The following ZFP90 variants were observed in gnomAD, a reference collection of about 807,000 sequenced individuals.
ZFP90 encodes zinc finger protein 90 homolog.
In ZFP90, 38 loss-of-function variants were observed where a neutral mutation model predicts 60.8. The ratio of observed to expected loss-of-function variants is 0.62; its 90% CI spans 0.48 to 0.82. ZFP90 has a LOEUF of 0.82. Among genes scored for constraint, ZFP90 ranks in the 40% least tolerant of loss-of-function variants. ZFP90 has a pLI of 0.00. For synonymous variants in ZFP90, 287 were observed against 264.8 expected (o/e 1.08, Z -0.82); for missense variants, 711 against 759.1 (o/e 0.94, Z 0.74).
chr16:68,564,167 TCA>T lies in ZFP90; in HGVS notation c.1383_1384del (p.Ile462TyrfsTer5). 6.2e-7 allele frequency: 1 copy of T among 1,614,194 alleles called. No individual in the cohort carries two copies. Among genetic ancestry groups the T allele is most frequent in the Admixed American group, 1.7e-5 (1 of 60,024 alleles). ...GTAATGACTGTGGGGAAGACTTTAG[TCA>T]CATTACAGACTTTACTGACCATCAG... is the stretch of plus-strand genomic sequence containing the variant. The part of the protein sequence containing the change: ...HCNDCGEDFS[H>X]ITDFTDHQRI... On this transcript the variant is annotated frameshift_variant, in exon 5 of 5. Transcript: ENST00000563169. LOFTEE classifies it high-confidence loss of function.
Position 68,558,073 on chromosome 16 carries a change from A to G in ZFP90, c.109A>G (p.Ser37Gly). ...EWYHVDPAQRSLYRDVMLENY... is the reference protein window; with the variant it reads ...EWYHVDPAQRGLYRDVMLENY... ...GTACCATGTCGACCCTGCTCAGAGG[A>G]GCTTATACAGGGATGTGATGCTGGA... is the stretch of plus-strand genomic sequence containing the variant. Residue 37 changes from serine (S) to glycine (G), a missense_variant, in exon 3 of 5, where the codon AGC becomes GGC. Physicochemically the swap from Ser to Gly is moderately conservative, Grantham distance 56. Around this residue, in one of 5 missense-constraint regions of ZFP90, gnomAD observed 241 missense variants for 247.6 expected, o/e 0.97. Coordinates refer to ENST00000563169, the MANE Select transcript of ZFP90 (RefSeq NM_001305203.2). 6.2e-7 allele frequency: 1 copy of G among 1,613,736 alleles called. No homozygotes were observed. The highest frequency in any genetic ancestry group is 8.5e-7 in the Non-Finnish European group (1 of 1,179,928).
intron 2 of ZFP90, chr16:68,573,700 T>G (rs975746613): frequency 3.3e-5 from 5 of 152,060 alleles, no homozygotes; most frequent in Admixed American, 6.5e-5. Context: ...TTTAAAGAGG[T>G]GTCCAAAGGA....
At chr16:68,572,556 G>T (rs899257153) in intron 2 of ZFP90, among the ~76,000 whole-genome samples, 1 of 152,174 alleles carries the variant, frequency 6.6e-6, no homozygotes, top group African/African-American at 2.4e-5. Context: ...TTGATCCTTG[G>T]CCCCTATAGA....
intron 2 of ZFP90, 51 bp downstream of exon 2, chr16:68,539,876 C>T (rs568240099): frequency 1.4e-5 from 23 of 1,590,508 alleles, no homozygotes; most frequent in South Asian, 1.1e-4. Context: ...CTATCCATCC[C>T]ATCTCCCAAG....
At chr16:68,557,362 G>A (rs2091361935) in intron 2 of ZFP90, 1 of 439,646 alleles carries the variant, frequency 2.3e-6, no homozygotes, top group Non-Finnish European at 4.6e-6. Context: ...TTTAATCAGT[G>A]GGTACCTGTG....
chr16:68,575,644 T>A (rs111927699), intron 2 of ZFP90: 1 of 383,584 alleles, frequency 2.6e-6, no homozygotes, highest in Non-Finnish European at 4.6e-6. Flanking sequence ...TAGATGAAGG[T>A]TAGTGATCAA....
In ZFP90 at chr16:68,566,019, A is replaced by T; in HGVS notation, c.*1321A>T. Reference sequence around the variant, plus strand: ...CATGGTGGCATGCAGTGGTAGTCCCAGCTACTCAGGAGGCTGAGGTGGGAG... The same window carrying T: ...CATGGTGGCATGCAGTGGTAGTCCCTGCTACTCAGGAGGCTGAGGTGGGAG... On this transcript the variant is annotated 3_prime_UTR_variant, in exon 5 of 5. Coordinates refer to ENST00000563169, the MANE Select transcript of ZFP90 (RefSeq NM_001305203.2). 1.2e-6 allele frequency: 1 copy of T among 807,008 alleles called. No homozygotes were observed. The highest frequency in any genetic ancestry group is 1.5e-6 in the Non-Finnish European group (1 of 667,308). 50.0% of individuals were successfully genotyped at this position (807,008 alleles called of 1,614,324 possible). A position where few individuals can be genotyped will look rare whatever the true frequency, so the allele number is the denominator to read the frequency against.
chr16:68,547,837 T>TC (rs1555498465), intron 2 of ZFP90, among the ~76,000 whole-genome samples: 1,773 of 127,504 alleles, frequency 0.014, 32 homozygotes, highest in Middle Eastern at 0.093. Flanking sequence ...TTGATCTCTC[T>TC]TTTTTTTTTT....
At chr16:68,541,690 A>G (rs1181034960) in intron 2 of ZFP90, among the ~76,000 whole-genome samples, 1 of 152,154 alleles carries the variant, frequency 6.6e-6, no homozygotes, top group African/African-American at 2.4e-5. Context: ...TACTAAAACA[A>G]GACAGTTACT....
intron 2 of ZFP90, among the ~76,000 whole-genome samples, chr16:68,555,555 G>A (rs772753961): frequency 4.6e-5 from 7 of 152,196 alleles, no homozygotes; most frequent in Non-Finnish European, 5.9e-5. Context: ...GTGTGAGTCA[G>A]GTACTTGCTG....
chr16:68,562,854 C>T lies in ZFP90; in HGVS notation c.257-190C>T, dbSNP rs575696659. ...CCTCATTCTCTGGACTTACCACATA[C>T]TCTGAATCTGCAGTCTTTGCTATCA... On this transcript the variant is annotated intron_variant, in intron 4 of 4. Transcript: ENST00000563169. 1.1e-4 allele frequency: 143 copies of T among 1,325,952 alleles called. 1 individual carries two copies. In the South Asian group the frequency reaches 1.9e-3, roughly 17 times the overall value. 82.1% of individuals were successfully genotyped at this position (1,325,952 alleles called of 1,614,324 possible).
intron 2 of ZFP90, among the ~76,000 whole-genome samples, chr16:68,547,441 A>T (rs745427023): frequency 6.6e-6 from 1 of 151,880 alleles, no homozygotes; most frequent in Non-Finnish European, 1.5e-5. Context: ...TTTTTGTTGG[A>T]TTTTTAGGAG....
chr16:68,550,061 T>A (rs1362255752), intron 2 of ZFP90, among the ~76,000 whole-genome samples: 1 of 152,116 alleles, frequency 6.6e-6, no homozygotes. Context: ...GAAATACACA[T>A]TCCATGTGTA....
At chr16:68,560,268 C>T (rs548957593) in intron 4 of ZFP90, among the ~76,000 whole-genome samples, 1 of 152,258 alleles carries the variant, frequency 6.6e-6, no homozygotes, top group African/African-American at 2.4e-5. Flanking sequence ...ATGTCATACC[C>T]ATTAACAGTT....
Position 68,558,057 on chromosome 16 carries a change from C to A in ZFP90, c.93C>A (p.Val31=). 1.2e-6 allele frequency: 2 copies of A among 1,613,842 alleles called. No individual in the cohort carries two copies. Among genetic ancestry groups the A allele is most frequent in the East Asian group, 2.2e-5 (1 of 44,854 alleles). Residue 31 remains valine (V), a synonymous_variant, in exon 3 of 5, where the codon GTC becomes GTA. Transcript: ENST00000563169. The stretch of plus-strand genomic sequence containing the variant: ...TCACCCAGGAAGAATGGTACCATGT[C>A]GACCCTGCTCAGAGGAGCTTATACA... ...VDFTQEEWYH[V]DPAQRSLYRD...
At chr16:68,540,322 CAA>C (rs1567392610) in intron 2 of ZFP90, among the ~76,000 whole-genome samples, 1 of 152,074 alleles carries the variant, frequency 6.6e-6, no homozygotes, top group African/African-American at 2.4e-5. Context: ...GAGGCAAAAA[CAA>C]AACAAAATAA....
chr16:68,558,656 C>T (rs2091386691), intron 4 of ZFP90, 88 bp downstream of exon 4: 5 of 1,200,674 alleles, frequency 4.2e-6, no homozygotes, highest in East Asian at 4.7e-5. Flanking sequence ...AGCTGGCTTG[C>T]GATCTCCTAG....
At chr16:68,536,097 C>A (rs1187032790), upstream of ZFP90, among the ~76,000 whole-genome samples, 1 of 152,188 alleles carries the variant, frequency 6.6e-6, no homozygotes, top group African/African-American at 2.4e-5. Context: ...GCACTTTCTA[C>A]ACAAACAGCA....
chr16:68,537,263 G>C (rs1728799), upstream of ZFP90, among the ~76,000 whole-genome samples: 1 of 151,960 alleles, frequency 6.6e-6, no homozygotes, highest in South Asian at 2.1e-4. Flanking sequence ...GTAGCTGTGA[G>C]TACAGGCGCA....
Sources: gnomAD v4.1 joint callset for allele counts (sites outside exome capture counted in the v4.1 genomes callset) on GRCh38, gnomAD v4.1.1 for gene constraint, gnomAD v4.1.1 regional missense constraint, MANE v1.5 for transcripts, NCBI Gene and HGNC (gene_info 2026-07-23, HGNC 2026-07-21) for gene names.